The following CDH9 variants were observed in gnomAD, a reference collection of about 807,000 sequenced individuals.
The protein encoded by CDH9 is cadherin 9.
CDH9 carries 28 observed loss-of-function variants against 70.9 expected under a neutral mutation model. That is an observed-to-expected ratio of 0.40 (90% CI 0.29 to 0.54). The LOEUF (loss-of-function observed/expected upper bound fraction) is 0.54, where lower values mean the gene tolerates loss of function less well. CDH9 is among the 20% of genes least tolerant of loss of function. The pLI, the probability that CDH9 is intolerant of heterozygous loss-of-function variation, is 0.59. For missense variants in CDH9, 874 were observed against 984.4 expected (o/e 0.89, Z 1.50); for synonymous variants, 409 against 343.1 (o/e 1.19, Z -2.12).
chr5:26,897,190 A>C (rs1472148655), intron 7 of CDH9, among the ~76,000 whole-genome samples: 2 of 150,672 alleles, frequency 1.3e-5, no homozygotes, highest in Admixed American at 6.6e-5. Context: ...ACCTACCAAC[A>C]AAAAAAAAGC....
intron 1 of CDH9, among the ~76,000 whole-genome samples, chr5:27,019,589 A>G (rs1743102191): frequency 6.6e-6 from 1 of 151,930 alleles, no homozygotes; most frequent in Non-Finnish European, 1.5e-5. Flanking sequence ...GCATTTACAT[A>G]TGCTGAAATC....
At chr5:26,936,459 A>G (rs1051907457) in intron 2 of CDH9, among the ~76,000 whole-genome samples, 3 of 152,130 alleles carry the variant, frequency 2.0e-5, no homozygotes, top group African/African-American at 7.2e-5. Flanking sequence ...GTTGCTGAAT[A>G]GGACCACTCA....
chr5:26,953,809 C>T (rs750722730), intron 2 of CDH9, among the ~76,000 whole-genome samples: 9 of 152,122 alleles, frequency 5.9e-5, no homozygotes, highest in Non-Finnish European at 1.5e-5. Context: ...AAAAACCAGG[C>T]TCCCTAAGCC....
intron 7 of CDH9, among the ~76,000 whole-genome samples, chr5:26,897,365 A>C (rs1740771206): frequency 6.6e-6 from 1 of 152,146 alleles, no homozygotes; most frequent in Admixed American, 6.6e-5. Context: ...AGACACAACA[A>C]AAAAAGAAAA....
intron 2 of CDH9, among the ~76,000 whole-genome samples, chr5:26,942,613 G>T (rs987086158): frequency 1.3e-5 from 2 of 152,046 alleles, no homozygotes; most frequent in African/African-American, 4.8e-5. Flanking sequence ...CTGACTTTTG[G>T]CCAAGACAGG....
At chr5:26,888,719 C>T (rs1740605388) in intron 9 of CDH9, among the ~76,000 whole-genome samples, 1 of 152,140 alleles carries the variant, frequency 6.6e-6, no homozygotes, top group African/African-American at 2.4e-5. Flanking sequence ...AATGCATTTT[C>T]TCATAGTTCT....
intron 2 of CDH9, among the ~76,000 whole-genome samples, chr5:26,954,075 T>C (rs1741897808): frequency 6.6e-6 from 1 of 152,200 alleles, no homozygotes; most frequent in African/African-American, 2.4e-5. Flanking sequence ...CTGGTCATTA[T>C]TTCTCTGCTC....
intron 1 of CDH9, among the ~76,000 whole-genome samples, chr5:27,023,355 G>A (rs919772153): frequency 1.3e-5 from 2 of 152,074 alleles, no homozygotes; most frequent in Non-Finnish European, 2.9e-5. Context: ...TTCATAGAAA[G>A]CCAGGCCCAA....
At chr5:26,920,568 G>A (rs1231193936) in intron 2 of CDH9, among the ~76,000 whole-genome samples, 1 of 152,122 alleles carries the variant, frequency 6.6e-6, no homozygotes, top group Non-Finnish European at 1.5e-5. Context: ...GAGACACCCA[G>A]TGCAGTCCCA....
chr5:27,027,009 G>A lies in CDH9; in HGVS notation c.-50+11454C>T, dbSNP rs146049412. 5.3e-3 allele frequency among the ~76,000 whole-genome samples: 800 copies of A among 151,956 alleles called. 3 individuals carry two copies. The highest frequency in any genetic ancestry group is 8.1e-3 in the Non-Finnish European group (551 of 67,938). ...AATTCAAGACTAAAAGGGGGAAGTC[G>A]TAAATAGATTAAAAAACCAAACTCA... is the stretch of plus-strand genomic sequence containing the variant. On this transcript the variant is annotated intron_variant, in intron 1 of 11. Coordinates refer to ENST00000231021, the MANE Select transcript of CDH9 (RefSeq NM_016279.4).
intron 1 of CDH9, among the ~76,000 whole-genome samples, chr5:27,006,840 G>A (rs1742872673): frequency 1.3e-5 from 2 of 151,962 alleles, no homozygotes; most frequent in Admixed American, 1.3e-4. Context: ...TAAATATGAA[G>A]TGTCTACTGA....
intron 2 of CDH9, among the ~76,000 whole-genome samples, chr5:26,927,409 A>G (rs1741361861): frequency 6.6e-6 from 1 of 152,048 alleles, no homozygotes; most frequent in Admixed American, 6.6e-5. Context: ...AACAAGAGAA[A>G]GACATAAATG....
At chr5:26,888,843 A>T (rs1740607307) in intron 9 of CDH9, among the ~76,000 whole-genome samples, 1 of 152,136 alleles carries the variant, frequency 6.6e-6, no homozygotes, top group African/African-American at 2.4e-5. Flanking sequence ...TCCTTGGCCC[A>T]CGAATTCAGG....
At chr5:26,887,677 T>A (rs1417062620) in intron 9 of CDH9, among the ~76,000 whole-genome samples, 1 of 152,120 alleles carries the variant, frequency 6.6e-6, no homozygotes, top group Non-Finnish European at 1.5e-5. Context: ...TATTTGGATA[T>A]AGGCCGTTTG....
intron 1 of CDH9, among the ~76,000 whole-genome samples, chr5:27,036,678 T>C (rs1214259484): frequency 6.6e-6 from 1 of 151,976 alleles, no homozygotes; most frequent in East Asian, 1.9e-4. Context: ...AATCATTTTT[T>C]CTATTTATTT....
At chr5:26,952,288 A>G (rs1172574168) in intron 2 of CDH9, among the ~76,000 whole-genome samples, 16 of 148,782 alleles carry the variant, frequency 1.1e-4, no homozygotes, top group African/African-American at 3.9e-4. Flanking sequence ...AATTAACTCA[A>G]TGTGGCAGTA....
intron 2 of CDH9, among the ~76,000 whole-genome samples, chr5:26,923,250 AC>A (rs1281821087): frequency 6.6e-6 from 1 of 151,740 alleles, no homozygotes; most frequent in African/African-American, 2.4e-5. Flanking sequence ...AACAACAACA[AC>A]AAAAAGCAGG....
At chr5:26,979,620 A>T (rs10068032) in intron 2 of CDH9, among the ~76,000 whole-genome samples, 1 of 151,470 alleles carries the variant, frequency 6.6e-6, no homozygotes, top group Non-Finnish European at 1.5e-5. Flanking sequence ...ACCAACTCTG[A>T]GCCCTTTATA....
chr5:27,037,859 A>G (rs2112142890), intron 1 of CDH9, among the ~76,000 whole-genome samples: 1 of 152,118 alleles, frequency 6.6e-6, no homozygotes, highest in Middle Eastern at 3.4e-3. Flanking sequence ...GGAGCCACAA[A>G]TACGTGAAGA....
Sources: allele counts gnomAD v4.1 joint callset (sites outside exome capture counted in the v4.1 genomes callset), GRCh38; gene constraint gnomAD v4.1.1; transcripts MANE v1.5; gene names NCBI Gene and HGNC (gene_info 2026-07-23, HGNC 2026-07-21).